The following RBFOX1 variants were observed in gnomAD, a reference collection of about 807,000 sequenced individuals.
The protein encoded by RBFOX1 is RNA binding protein fox-1 homolog 1.
RBFOX1 carries 8 observed loss-of-function variants against 57.7 expected under a neutral mutation model. The observed-to-expected ratio is 0.14, with a 90% CI of 0.08 to 0.25. The LOEUF (loss-of-function observed/expected upper bound fraction) is 0.25, where lower values mean the gene tolerates loss of function less well. RBFOX1 is among the 10% of genes least tolerant of loss of function. The pLI is 1.00. For synonymous variants in RBFOX1, 326 were observed against 222.4 expected, an observed-to-expected ratio of 1.47 and a Z score of -4.15; for missense variants, 611 against 548.5, an observed-to-expected ratio of 1.11 and a Z score of -1.14.
intron 4 of RBFOX1, among the ~76,000 whole-genome samples, chr16:7,457,014 A>G (rs781445490): frequency 6.6e-6 from 1 of 152,014 alleles, no homozygotes; most frequent in Non-Finnish European, 1.5e-5. Context: ...CAGCCTCCCA[A>G]GTAGCTGGGA....
At chr16:6,864,989 C>CTTTTTTTTTTTTTTTTTTTT in intron 3 of RBFOX1, among the ~76,000 whole-genome samples, 1 of 105,802 alleles carries the variant, frequency 9.5e-6, no homozygotes, top group Non-Finnish European at 1.8e-5. Context: ...GTGGGTTTTT[C>CTTTTTTTTTTTTTTTTTTTT]TTTTTCTTTT....
intron 14 of RBFOX1, among the ~76,000 whole-genome samples, chr16:7,704,157 C>T (rs1274512197): frequency 1.3e-5 from 2 of 152,270 alleles, no homozygotes; most frequent in East Asian, 3.9e-4. Flanking sequence ...AGAACTCAAA[C>T]CTGGATCTTT....
intron 4 of RBFOX1, among the ~76,000 whole-genome samples, chr16:7,159,999 T>C (rs138012433): frequency 4.5e-4 from 69 of 152,326 alleles, no homozygotes; most frequent in African/African-American, 1.6e-3. Context: ...TTAATTGTTT[T>C]GTGTTTTCTT....
intron 4 of RBFOX1, among the ~76,000 whole-genome samples, chr16:5,988,707 T>C (rs574175964): frequency 6.6e-5 from 10 of 152,330 alleles, no homozygotes; most frequent in African/African-American, 2.4e-4. Context: ...TCCCAGGAAG[T>C]GCCTGTCAGG....
At chr16:5,354,825 G>C (rs2065347083) in intron 1 of RBFOX1, among the ~76,000 whole-genome samples, 1 of 152,212 alleles carries the variant, frequency 6.6e-6, no homozygotes. Context: ...TGAGACTCCT[G>C]ATGGCAGCAG....
At chr16:7,320,116 G>A (rs1376489565) in intron 4 of RBFOX1, among the ~76,000 whole-genome samples, 1 of 152,088 alleles carries the variant, frequency 6.6e-6, no homozygotes, top group Non-Finnish European at 1.5e-5. Flanking sequence ...TGCAGGATGT[G>A]CAGGTTTATC....
rs1281672244 is a variant in RBFOX1, at chr16:6,538,628, A to G, written c.-63-115975A>G. Among the ~76,000 whole-genome samples the G allele has an allele frequency of 2.0e-5, 3 of 152,198 alleles. No homozygotes were observed. In the East Asian group the frequency reaches 5.8e-4, roughly 29 times the overall value. ...AGGCTGTGGAGAAACTGAAATTCTC[A>G]AATATTGCTGGTTGGATTGCAGAAT... On this transcript the variant is annotated intron_variant, in intron 2 of 15. Coordinates refer to ENST00000550418, the MANE Select transcript of RBFOX1 (RefSeq NM_018723.4).
At chr16:7,648,520 A>C (rs2064230407) in intron 11 of RBFOX1, among the ~76,000 whole-genome samples, 1 of 152,158 alleles carries the variant, frequency 6.6e-6, no homozygotes, top group South Asian at 2.1e-4. Context: ...ACTGTGCCTG[A>C]CCAGGAAAAT....
chr16:6,114,158 C>T (rs1298733968), intron 1 of RBFOX1, among the ~76,000 whole-genome samples: 1 of 152,134 alleles, frequency 6.6e-6, no homozygotes, highest in South Asian at 2.1e-4. Flanking sequence ...ACAGAATGAT[C>T]TGATTTTAGC....
chr16:6,508,036 A>C (rs2096152821), intron 2 of RBFOX1, among the ~76,000 whole-genome samples: 1 of 152,234 alleles, frequency 6.6e-6, no homozygotes, highest in Admixed American at 6.5e-5. Flanking sequence ...TGCAGCCATA[A>C]AAAAGAAAAA....
intron 1 of RBFOX1, among the ~76,000 whole-genome samples, chr16:5,460,323 TATC>T (rs1469095390): frequency 6.6e-6 from 1 of 152,226 alleles, no homozygotes; most frequent in Non-Finnish European, 1.5e-5. Flanking sequence ...CTTGTGGTCT[TATC>T]ATAAGGACTA....
At chr16:7,013,234 G>GA (rs1007272461) in intron 3 of RBFOX1, among the ~76,000 whole-genome samples, 7 of 152,086 alleles carry the variant, frequency 4.6e-5, no homozygotes, top group African/African-American at 1.4e-4. Flanking sequence ...TTTCTTTGGT[G>GA]AAAAAATGCT....
intron 1 of RBFOX1, among the ~76,000 whole-genome samples, chr16:5,272,047 C>T (rs1298100528): frequency 2.0e-5 from 3 of 152,174 alleles, no homozygotes; most frequent in African/African-American, 7.2e-5. Context: ...GTGAATAGTG[C>T]TGCAGTGAAC....
chr16:5,683,230 C>G (rs2050399082), intron 3 of RBFOX1, among the ~76,000 whole-genome samples: 1 of 152,038 alleles, frequency 6.6e-6, no homozygotes, highest in Non-Finnish European at 1.5e-5. Context: ...CTTGGGAAGC[C>G]TTCGAAAAAT....
At chr16:6,241,830 A>G (rs2097541603) in intron 1 of RBFOX1, among the ~76,000 whole-genome samples, 2 of 152,204 alleles carry the variant, frequency 1.3e-5, no homozygotes, top group African/African-American at 4.8e-5. Flanking sequence ...TTCTCAACAA[A>G]GTGCCCATGC....
chr16:5,590,878 G>T (rs1223488948), intron 2 of RBFOX1, among the ~76,000 whole-genome samples: 1 of 152,150 alleles, frequency 6.6e-6, no homozygotes, highest in Non-Finnish European at 1.5e-5. Flanking sequence ...CTGGTGGCTT[G>T]CATGCTGTTT....
chr16:5,270,886 A>G (rs1596352265), intron 1 of RBFOX1: 2 of 412,120 alleles, frequency 4.9e-6, no homozygotes, highest in East Asian at 1.3e-4. Flanking sequence ...AAAACCCACT[A>G]GGGACGAGAC....
In RBFOX1 at chr16:5,788,264, A is replaced by T. The variant is rs145081322; in HGVS notation, c.319-79039A>T. Among the ~76,000 whole-genome samples, 19 of 152,316 alleles carry T rather than the reference A, an allele frequency of 1.2e-4. No individual in the cohort carries two copies. The East Asian group carries it at 3.5e-3, about 28-fold the overall frequency. On this transcript the variant is annotated intron_variant, in intron 3 of 19. Transcript: ENST00000641259. Reference sequence around the variant, plus strand: ...AGCATATGTCACCCTTTCCATTTAGAACCTCATTTTTAAATTGTATTAACT... The same window carrying T: ...AGCATATGTCACCCTTTCCATTTAGTACCTCATTTTTAAATTGTATTAACT...
At chr16:5,792,727 C>G (rs1200268054) in intron 3 of RBFOX1, among the ~76,000 whole-genome samples, 5 of 152,110 alleles carry the variant, frequency 3.3e-5, no homozygotes, top group Non-Finnish European at 5.9e-5. Flanking sequence ...CCTGTCATCC[C>G]AGCTACTCAG....
Sources: gnomAD v4.1 joint callset for allele counts (sites outside exome capture counted in the v4.1 genomes callset) on GRCh38, gnomAD v4.1.1 for gene constraint, MANE v1.5 for transcripts, NCBI Gene and HGNC (gene_info 2026-07-23, HGNC 2026-07-21) for gene names.